Variants in KIF1A observed in about 807,000 individuals in gnomAD.
KIF1A encodes kinesin family member 1A.
In KIF1A, 46 loss-of-function variants were observed where a neutral mutation model predicts 227.3. That is an observed-to-expected ratio of 0.20 (90% CI 0.16 to 0.26). The LOEUF (loss-of-function observed/expected upper bound fraction) is 0.26. Ranked by LOEUF, KIF1A falls within the 10% of genes least tolerant of loss-of-function variation. The pLI is 1.00. For missense variants in KIF1A, 1,683 were observed against 2,485.9 expected, an observed-to-expected ratio of 0.68 and a Z score of 6.87; for synonymous variants, 1,022 against 1,012.8, an observed-to-expected ratio of 1.01 and a Z score of -0.17.
chr2:240,806,699 C>T (rs920714173), intron 1 of KIF1A, among the ~76,000 whole-genome samples: 7 of 152,146 alleles, frequency 4.6e-5, no homozygotes, highest in Non-Finnish European at 8.8e-5. Flanking sequence ...TCAAAAATTA[C>T]TAGACCTGCC....
At position 240,746,186 on chromosome 2, in the gene KIF1A, A is replaced by AG; in HGVS notation, c.3064-10dup. On this transcript the variant is annotated splice_polypyrimidine_tract_variant and intron_variant, in intron 29 of 48. Coordinates refer to ENST00000498729, the MANE Select transcript of KIF1A (RefSeq NM_001244008.2). ...CAAGACTCGGACTGGAACTGATCAGAGGGGGACCAGAGTCAGAGAGAGCCA... is the reference window on the plus strand; with the variant it reads ...CAAGACTCGGACTGGAACTGATCAGAGGGGGGACCAGAGTCAGAGAGAGCCA... 6.4e-7 allele frequency: 1 copy of AG among 1,557,406 alleles called. No individual in the cohort carries two copies. Among genetic ancestry groups the AG allele is most frequent in the Non-Finnish European group, 8.7e-7 (1 of 1,151,108 alleles).
chr2:240,782,701 T>G, intron 9 of KIF1A, 94 bp from the exon 10 acceptor site: 1 of 1,308,942 alleles, frequency 7.6e-7, no homozygotes, highest in Non-Finnish European at 1.1e-6. Context: ...TGCCTCGCCC[T>G]GGCCATGACT....
intron 1 of KIF1A, among the ~76,000 whole-genome samples, chr2:240,809,202 A>G (rs1002188443): frequency 6.6e-6 from 1 of 152,254 alleles, no homozygotes; most frequent in Non-Finnish European, 1.5e-5. Context: ...TGAAAACTCA[A>G]GTTCTTTTGT....
chr2:240,718,470 T>C (rs1160630231), intron 47 of KIF1A, among the ~76,000 whole-genome samples: 1 of 152,178 alleles, frequency 6.6e-6, no homozygotes, highest in Non-Finnish European at 1.5e-5. Context: ...CAGATGTGGG[T>C]TCACACCACC....
intron 38 of KIF1A, among the ~76,000 whole-genome samples, chr2:240,733,837 G>A (rs1275855120): frequency 6.6e-6 from 1 of 152,202 alleles, no homozygotes; most frequent in Non-Finnish European, 1.5e-5. Flanking sequence ...TAACTGCCGT[G>A]ACGCTGGCCA....
chr2:240,794,444 C>T (rs926256901), intron 2 of KIF1A, among the ~76,000 whole-genome samples: 1 of 152,228 alleles, frequency 6.6e-6, no homozygotes, highest in African/African-American at 2.4e-5. Flanking sequence ...TACCCACACA[C>T]GGCCTCACTC....
In KIF1A at chr2:240,763,779, TC is replaced by T. The variant is rs1402627005; in HGVS notation, c.1769-434del. On this transcript the variant is annotated intron_variant, in intron 20 of 48. Coordinates refer to ENST00000498729, the MANE Select transcript of KIF1A (RefSeq NM_001244008.2). ...CAGGGCACAGGACCTTTCCTTTCCA[TC>T]TGTCTCCCCGACTAGACTGGAAGCA... Among the ~76,000 whole-genome samples, 8 of 152,108 alleles carry T rather than the reference TC, an allele frequency of 5.3e-5. 1 individual carries two copies. Among genetic ancestry groups the T allele is most frequent in the Non-Finnish European group, 8.8e-5 (6 of 68,002 alleles).
At chr2:240,782,317 C>T in intron 10 of KIF1A, 1 of 668,466 alleles carries the variant, frequency 1.5e-6, no homozygotes, top group Non-Finnish European at 1.9e-6. Context: ...CCCCCACGCC[C>T]CCCGGGCCAC....
chr2:240,737,261 G>C, intron 37 of KIF1A, 93 bp from the exon 38 acceptor site: 1 of 922,262 alleles, frequency 1.1e-6, no homozygotes, highest in Non-Finnish European at 1.8e-6. Flanking sequence ...CAGCAAGCCA[G>C]CTCCCCACAT....
At chr2:240,761,015 C>T (rs1471759056) in intron 24 of KIF1A, among the ~76,000 whole-genome samples, 172 bp from the exon 25 acceptor site, 1 of 152,128 alleles carries the variant, frequency 6.6e-6, no homozygotes, top group Non-Finnish European at 1.5e-5. Context: ...CCTGCCCACC[C>T]GGCCGCCGTC....
At chr2:240,803,313 C>T (rs887749631) in intron 1 of KIF1A, among the ~76,000 whole-genome samples, 2 of 152,202 alleles carry the variant, frequency 1.3e-5, no homozygotes, top group Non-Finnish European at 2.9e-5. Context: ...AGGGCAGCCC[C>T]ACATCATCCC....
chr2:240,771,664 C>T (rs116042521), intron 14 of KIF1A, among the ~76,000 whole-genome samples: 2,249 of 152,300 alleles, frequency 0.015, 69 homozygotes, highest in African/African-American at 0.051. Flanking sequence ...TCACATCCAC[C>T]GTCAGCCTGG....
intron 38 of KIF1A, chr2:240,728,250 G>A (rs960689895): frequency 2.1e-5 from 10 of 485,258 alleles, no homozygotes; most frequent in South Asian, 3.1e-5. Flanking sequence ...ACATGTCACC[G>A]AGGAGCAATC....
chr2:240,771,382 T>C, intron 14 of KIF1A: 2 of 503,240 alleles, frequency 4.0e-6, no homozygotes, highest in South Asian at 4.2e-5. Context: ...GGGCCAGCAG[T>C]GGCGCGCACT....
rs371737085 is a variant in KIF1A at position 240,721,033 on chromosome 2, G to A, written c.4749C>T (p.Ser1583=). ...VCVSASESKL[S]EMSVTLLRDP... ...CCCGGAGCAGGGTGACAGACATCTC[G>A]GAGAGCTGCGGAGGAGAGGCCTTTT... The change falls in exon 45 of 49, where the codon TCC becomes TCT. Residue 1583 remains serine (S), a synonymous_variant. Transcript: ENST00000498729. 8.4e-4 allele frequency: 1,358 copies of A among 1,611,828 alleles called. No individual in the cohort carries two copies. The highest frequency in any genetic ancestry group is 1.0e-3 in the Non-Finnish European group (1,226 of 1,179,496).
At position 240,771,117 on chromosome 2, in the gene KIF1A, G is replaced by A. The variant is rs1246930593; in HGVS notation, c.1208-13C>T. ...AGGGCATTGGTCACTGTGGAGAGAG[G>A]GTCAGGGGCTTCATTCACCGTCCCG... is the stretch of plus-strand genomic sequence containing the variant. On this transcript the variant is annotated splice_polypyrimidine_tract_variant and intron_variant, in intron 14 of 48. Coordinates refer to ENST00000498729, the MANE Select transcript of KIF1A (RefSeq NM_001244008.2). 1.2e-6 allele frequency: 2 copies of A among 1,613,256 alleles called. No homozygotes were observed. Among genetic ancestry groups the A allele is most frequent in the African/African-American group, 1.3e-5 (1 of 74,894 alleles).
Position 240,762,801 on chromosome 2 carries a change from G to C in KIF1A, c.2034C>G (p.Ser678Arg). ...TCTGCTTCTGCAGAGCCTCCAGCTT[G>C]CTCTCATAGTCCTGCAGAAAGCAAG... ...LLEQQRLDYESKLEALQKQMD... is the reference protein window; with the variant it reads ...LLEQQRLDYERKLEALQKQMD... The change falls in exon 23 of 49, where the codon AGC becomes AGG. Residue 678 changes from serine (S) to arginine (R), a missense_variant. Transcript: ENST00000498729. The C allele has an allele frequency of 1.3e-6, 2 of 1,594,682 alleles. No homozygotes were observed. Among genetic ancestry groups the C allele is most frequent in the Non-Finnish European group, 1.7e-6 (2 of 1,167,806 alleles).
rs1185942346 is a variant in KIF1A at position 240,766,404 on chromosome 2, CT to C, written c.1684+510del. On this transcript the variant is annotated intron_variant, in intron 19 of 48. Coordinates refer to ENST00000498729, the MANE Select transcript of KIF1A (RefSeq NM_001244008.2). This position sits in a 1 kb window ranked among gnomAD's most constrained non-coding sequence, Gnocchi z 5.0. ...CACGTCATCTCCAGGAGGGAGACCA[CT>C]GGGCAGGCAGGGGAAACGGACAGAT... is the stretch of plus-strand genomic sequence containing the variant. Among the ~76,000 whole-genome samples the C allele has an allele frequency of 6.6e-6, 1 of 152,222 alleles. No individual in the cohort carries two copies. Among genetic ancestry groups the C allele is most frequent in the African/African-American group, 2.4e-5 (1 of 41,456 alleles).
intron 1 of KIF1A, among the ~76,000 whole-genome samples, chr2:240,813,726 C>T (rs1248134725): frequency 6.6e-6 from 1 of 152,072 alleles, no homozygotes; most frequent in African/African-American, 2.4e-5. Context: ...CAGCAGCAGC[C>T]CTGCCGCTCC....
Sources: allele counts gnomAD v4.1 joint callset (sites outside exome capture counted in the v4.1 genomes callset), GRCh38; gene constraint gnomAD v4.1.1; non-coding constraint Gnocchi (gnomAD v3.1); transcripts MANE v1.5; gene names NCBI Gene and HGNC (gene_info 2026-07-23, HGNC 2026-07-21).